PCDHGA1: variants seen among roughly 807,000 people sequenced by gnomAD.
PCDHGA1 encodes the protein protocadherin gamma-A1.
A neutral mutation model predicts 58.0 loss-of-function variants in PCDHGA1; 32 were observed. The ratio of observed to expected loss-of-function variants is 0.55; its 90% CI spans 0.42 to 0.74. PCDHGA1 has a LOEUF of 0.74. Among genes scored for constraint, PCDHGA1 ranks in the 30% least tolerant of loss-of-function variants. PCDHGA1 has a pLI of 0.00. For synonymous variants in PCDHGA1, 498 were observed against 501.1 expected (o/e 0.99, Z 0.08); for missense variants, 1,205 against 1,182.3 (o/e 1.02, Z -0.28).
At chr5:141,398,223 G>C (rs995722310) in intron 1 of PCDHGA1, 1 of 1,482,728 alleles carries the variant, frequency 6.7e-7, no homozygotes, top group South Asian at 1.3e-5. Context: ...TCTGTGAGCA[G>C]ATCCGCTACA....
chr5:141,488,175 T>C (rs889217562), intron 1 of PCDHGA1, among the ~76,000 whole-genome samples: 1 of 152,168 alleles, frequency 6.6e-6, no homozygotes, highest in Non-Finnish European at 1.5e-5. Context: ...AGTGGTGGCA[T>C]AGATCTTTTG....
intron 1 of PCDHGA1, chr5:141,355,396 A>G: frequency 2.5e-6 from 4 of 1,614,080 alleles, no homozygotes; most frequent in Non-Finnish European, 3.4e-6. Flanking sequence ...CGGAGTCCGC[A>G]TCGTCTCCAG....
At chr5:141,420,222 TG>T in intron 1 of PCDHGA1, 1 of 1,604,490 alleles carries the variant, frequency 6.2e-7, no homozygotes, top group East Asian at 2.2e-5. Flanking sequence ...AGCATGCTAC[TG>T]GCTAGCATTT....
At position 141,476,128 on chromosome 5, in the gene PCDHGA1, G is replaced by A. The variant is rs1450094771; in HGVS notation, c.2422-18679G>A. 1 of 1,606,456 alleles carries A rather than the reference G, an allele frequency of 6.2e-7. No homozygotes were observed. Among genetic ancestry groups the A allele is most frequent in the African/African-American group, 1.3e-5 (1 of 74,874 alleles). On this transcript the variant is annotated intron_variant, in intron 1 of 3. Transcript: ENST00000517417. The surrounding 1 kb of genome is among the most constrained non-coding windows in gnomAD (Gnocchi z 7.6). ...TGCTTTTGAGTGAGATGGTCCCAGA[G>A]GCCTGGAGGAGCGGACTGGTAAGCA...
Position 141,346,502 on chromosome 5 carries a change from T to C in PCDHGA1, c.2421+13397T>C, listed in dbSNP as rs574431225. On this transcript the variant is annotated intron_variant, in intron 1 of 3. Transcript: ENST00000517417. ...TGATTATTAAGAACAAATATGAGAA[T>C]GTGGTTATTATAAAGCTTTAACACA... 2.5e-5 allele frequency: 41 copies of C among 1,610,812 alleles called. No individual in the cohort carries two copies. The East Asian group carries it at 8.7e-4, about 34-fold the overall frequency.
At chr5:141,372,757 T>A (rs1435453699) in intron 1 of PCDHGA1, 1 of 1,613,122 alleles carries the variant, frequency 6.2e-7, no homozygotes, top group Non-Finnish European at 8.5e-7. Context: ...GCCTCTTGGT[T>A]TGAAAGTAAT....
intron 1 of PCDHGA1, chr5:141,410,230 C>T (rs759582867): frequency 6.2e-7 from 1 of 1,614,006 alleles, no homozygotes; most frequent in Admixed American, 1.7e-5. Flanking sequence ...CAGACCTCAG[C>T]GACCGCCCTG....
At chr5:141,433,235 C>T (rs1307904588) in intron 1 of PCDHGA1, 13 of 1,509,616 alleles carry the variant, frequency 8.6e-6, no homozygotes, top group Non-Finnish European at 1.1e-5. Context: ...GCTCTGTCTC[C>T]CAAGCTGGAA....
At chr5:141,369,769 T>C (rs1398107902) in intron 1 of PCDHGA1, among the ~76,000 whole-genome samples, 2 of 152,248 alleles carry the variant, frequency 1.3e-5, no homozygotes, top group African/African-American at 2.4e-5. Context: ...GTGAAGCTGA[T>C]ATTTCAAGCC....
In PCDHGA1 at chr5:141,486,981, A is replaced by G. The variant is rs1457098151; in HGVS notation, c.2422-7826A>G. Reference sequence around the variant, plus strand: ...GCTGTGGACTTGGATTCAGGTTACAATGCTTGGGTTTCCTATCAGCTCCTG... The same window carrying G: ...GCTGTGGACTTGGATTCAGGTTACAGTGCTTGGGTTTCCTATCAGCTCCTG... On this transcript the variant is annotated intron_variant, in intron 1 of 3. Coordinates refer to ENST00000517417, the MANE Select transcript of PCDHGA1 (RefSeq NM_018912.3). The surrounding 1 kb of genome is among the most constrained non-coding windows in gnomAD (Gnocchi z 5.0). 17 of 1,614,038 alleles carry G rather than the reference A, an allele frequency of 1.1e-5. No individual in the cohort carries two copies. The highest frequency in any genetic ancestry group is 4.0e-5 in the African/African-American group (3 of 74,922).
chr5:141,331,194 CCAACT>C lies in PCDHGA1; in HGVS notation c.513_517del (p.Ser173Ter). 6.2e-7 allele frequency: 1 copy of C among 1,614,104 alleles called. No individual in the cohort carries two copies. The highest frequency in any genetic ancestry group is 1.1e-5 in the South Asian group (1 of 91,074). On this transcript the variant is annotated frameshift_variant, in exon 1 of 4. Transcript: ENST00000517417. LOFTEE classifies it high-confidence loss of function. Reference sequence around the variant, plus strand: ...TGGGTATGAACTCACTCCAGAGCTACCAACTCAGCTCTAACCCTCATTTCTCCCTG... The same window carrying C: ...TGGGTATGAACTCACTCCAGAGCTACCAGCTCTAACCCTCATTTCTCCCTG...
chr5:141,347,960 G>C (rs568312417), intron 1 of PCDHGA1, among the ~76,000 whole-genome samples: 2 of 152,270 alleles, frequency 1.3e-5, no homozygotes, highest in South Asian at 4.1e-4. Flanking sequence ...TCTTGTCCTT[G>C]AGAAGGACAT....
At chr5:141,371,843 TA>T in intron 1 of PCDHGA1, 1 of 1,613,690 alleles carries the variant, frequency 6.2e-7, no homozygotes, top group Non-Finnish European at 8.5e-7. Flanking sequence ...ACTTGGGACC[TA>T]ATGGCCTTGT....
At chr5:141,483,670 A>G (rs1158511173) in intron 1 of PCDHGA1, among the ~76,000 whole-genome samples, 1 of 138,404 alleles carries the variant, frequency 7.2e-6, no homozygotes, top group African/African-American at 3.1e-5. Context: ...GTGTGTGTGT[A>G]AAAGAACACA....
rs367835171 is a variant in PCDHGA1, at chr5:141,346,439, A to G, written c.2421+13334A>G. 1.4e-4 allele frequency: 228 copies of G among 1,614,146 alleles called. 1 individual carries two copies. The highest frequency in any genetic ancestry group is 1.8e-4 in the Non-Finnish European group (207 of 1,180,058). ...CTCAGGATTTACTTGAAATGAAAGG[A>G]GATTCCAACCTACTTCAGGTGAGTT... On this transcript the variant is annotated intron_variant, in intron 1 of 3. Coordinates refer to ENST00000517417, the MANE Select transcript of PCDHGA1 (RefSeq NM_018912.3).
intron 1 of PCDHGA1, chr5:141,414,666 A>G (rs1243321329): frequency 6.2e-7 from 1 of 1,614,002 alleles, no homozygotes; most frequent in Admixed American, 1.7e-5. Context: ...CCCTGGCTGA[A>G]GACACCATCC....
intron 1 of PCDHGA1, chr5:141,366,903 C>T (rs1018569016): frequency 6.8e-5 from 80 of 1,174,592 alleles, no homozygotes; most frequent in Non-Finnish European, 8.5e-5. Context: ...TTCATGCTTT[C>T]TCCATTTGTT....
chr5:141,375,724 A>T (rs1771805917), intron 1 of PCDHGA1: 1 of 1,614,144 alleles, frequency 6.2e-7, no homozygotes, highest in Non-Finnish European at 8.5e-7. Flanking sequence ...GCAACGTGTC[A>T]CTGAGCCTGT....
intron 1 of PCDHGA1, chr5:141,384,519 G>A (rs769300299): frequency 1.9e-6 from 3 of 1,614,220 alleles, no homozygotes; most frequent in Non-Finnish European, 2.5e-6. Flanking sequence ...GCGGGGACCC[G>A]CCTCTCAGCA....
Sources: allele counts gnomAD v4.1 joint callset (sites outside exome capture counted in the v4.1 genomes callset), GRCh38; gene constraint gnomAD v4.1.1; non-coding constraint Gnocchi (gnomAD v3.1); transcripts MANE v1.5; gene names NCBI Gene and HGNC (gene_info 2026-07-23, HGNC 2026-07-21).